WWOX: variants seen among roughly 807,000 people sequenced by gnomAD.
The protein encoded by WWOX is WW domain containing oxidoreductase.
Under a neutral mutation model 46.2 loss-of-function variants are expected in WWOX, and 69 were observed. The observed-to-expected ratio is 1.49, with a 90% CI of 1.23 to 1.82. WWOX has a LOEUF of 1.82. WWOX is among the 40% of genes most tolerant of loss of function. The pLI is 0.00. For synonymous variants in WWOX, 359 were observed against 202.6 expected (o/e 1.77, Z -6.56); for missense variants, 919 against 542.6 (o/e 1.69, Z -6.89).
At chr16:78,825,288 C>T (rs567971647) in intron 8 of WWOX, 19 of 282,450 alleles carry the variant, frequency 6.7e-5, no homozygotes, top group South Asian at 4.0e-4. Flanking sequence ...ATGATGGCCG[C>T]GCGAATTTCC....
intron 8 of WWOX, among the ~76,000 whole-genome samples, chr16:79,153,093 A>T (rs1008933005): frequency 2.0e-5 from 3 of 152,140 alleles, no homozygotes; most frequent in Admixed American, 6.5e-5. Context: ...GGAAAATCCA[A>T]ACTCACTTGA....
At chr16:78,725,083 T>C (rs11643918) in intron 8 of WWOX, among the ~76,000 whole-genome samples, 50,803 of 151,974 alleles carry the variant, frequency 0.33, 8,819 homozygotes, top group South Asian at 0.45. Flanking sequence ...TATTGAATCA[T>C]GGGGGTGGTT....
intron 8 of WWOX, among the ~76,000 whole-genome samples, chr16:78,769,206 T>A (rs542041520): frequency 6.6e-6 from 1 of 152,332 alleles, no homozygotes; most frequent in South Asian, 2.1e-4. Flanking sequence ...TATGACTATT[T>A]CATGAGTGCT....
rs984399895 is a variant in WWOX at position 78,597,032 on chromosome 16, A to G, written c.1056+164280A>G. Among the ~76,000 whole-genome samples the G allele has an allele frequency of 4.6e-5, 7 of 151,996 alleles. No individual in the cohort carries two copies. In the East Asian group the frequency reaches 1.2e-3, roughly 25 times the overall value. ...CAGCATGCGATCCCCTCCCAATCTC[A>G]TTGCTGCTCCCCTACCCTCTTCTGC... On this transcript the variant is annotated intron_variant, in intron 8 of 8. Transcript: ENST00000566780.
At chr16:78,796,295 A>G (rs553949065) in intron 8 of WWOX, among the ~76,000 whole-genome samples, 44 of 152,342 alleles carry the variant, frequency 2.9e-4, no homozygotes, top group African/African-American at 1.1e-3. Flanking sequence ...GGGCTCAGCC[A>G]TACCCTGGAG....
intron 8 of WWOX, among the ~76,000 whole-genome samples, chr16:78,989,936 A>C (rs573619668): frequency 1.8e-4 from 27 of 151,604 alleles, no homozygotes; most frequent in South Asian, 1.7e-3. Flanking sequence ...TAATTCTAGC[A>C]CTTTGGGAGG....
rs137926160 is a variant in WWOX at position 79,076,896 on chromosome 16, A to G, written c.1057-134712A>G. 4.7e-3 allele frequency among the ~76,000 whole-genome samples: 715 copies of G among 152,308 alleles called. 5 individuals carry two copies. Among genetic ancestry groups the G allele is most frequent in the African/African-American group, 0.017 (693 of 41,566 alleles). On this transcript the variant is annotated intron_variant, in intron 8 of 8. Transcript: ENST00000566780. Reference sequence around the variant, plus strand: ...TCTTAGTGTTTATTGTTTTATGCGTATTGTCCTGTTTCATCCTCATGCTTA... The same window carrying G: ...TCTTAGTGTTTATTGTTTTATGCGTGTTGTCCTGTTTCATCCTCATGCTTA...
chr16:79,014,273 C>G lies in WWOX; in HGVS notation c.1057-197335C>G, dbSNP rs74032496. On this transcript the variant is annotated intron_variant, in intron 8 of 8. Transcript: ENST00000566780. ...TATGACGCATGGGACGGGAGAATAC[C>G]ATGCCCACCCGGTGATTTATACCAA... 6.9e-3 allele frequency among the ~76,000 whole-genome samples: 1,045 copies of G among 152,258 alleles called. 17 individuals carry two copies. Among genetic ancestry groups the G allele is most frequent in the African/African-American group, 0.022 (910 of 41,552 alleles).
chr16:78,755,736 A>G (rs1311778707), intron 8 of WWOX, among the ~76,000 whole-genome samples: 2 of 152,176 alleles, frequency 1.3e-5, no homozygotes, highest in Non-Finnish European at 2.9e-5. Flanking sequence ...GCTATTAAAT[A>G]TGCCGAATAT....
chr16:78,716,922 A>C (rs1275200036), intron 8 of WWOX, among the ~76,000 whole-genome samples: 1 of 152,168 alleles, frequency 6.6e-6, no homozygotes, highest in African/African-American at 2.4e-5. Flanking sequence ...CAGTTTCAAA[A>C]GGGCATATCC....
chr16:78,248,067 A>G (rs187907252), intron 5 of WWOX, among the ~76,000 whole-genome samples: 3 of 152,258 alleles, frequency 2.0e-5, no homozygotes, highest in South Asian at 2.1e-4. Flanking sequence ...TCCATCCTCT[A>G]TGTGTGTATT....
At chr16:78,310,480 G>C (rs754482917) in intron 5 of WWOX, among the ~76,000 whole-genome samples, 1 of 152,216 alleles carries the variant, frequency 6.6e-6, no homozygotes, top group Admixed American at 6.5e-5. Context: ...TCACCAGATT[G>C]ATGCCTTTGG....
rs975375683 is a variant in WWOX, at chr16:78,953,314, C to T, written c.1057-258294C>T. Among the ~76,000 whole-genome samples the T allele has an allele frequency of 3.3e-5, 5 of 151,722 alleles. 1 individual carries two copies. The highest frequency in any genetic ancestry group is 5.9e-5 in the Non-Finnish European group (4 of 67,976). The stretch of plus-strand genomic sequence containing the variant: ...CACAATTATAGTGGGGGGTGGGGGG[C>T]ATGTTTAACCTACTTTAGAGAACAA... On this transcript the variant is annotated intron_variant, in intron 8 of 8. Coordinates refer to ENST00000566780, the MANE Select transcript of WWOX (RefSeq NM_016373.4).
chr16:78,874,535 G>T (rs1225290452), intron 8 of WWOX, among the ~76,000 whole-genome samples: 1 of 152,068 alleles, frequency 6.6e-6, no homozygotes, highest in African/African-American at 2.4e-5. Context: ...CTGGTATACA[G>T]GAAGAACTTG....
intron 5 of WWOX, chr16:78,237,335 C>T (rs2037474851): frequency 6.6e-6 from 1 of 152,104 alleles, no homozygotes; most frequent in South Asian, 2.1e-4. Flanking sequence ...TTGAAAGAGA[C>T]TGTTTAAAAC....
At chr16:78,773,039 AAAAC>A (rs2050102578) in intron 8 of WWOX, among the ~76,000 whole-genome samples, 2 of 152,118 alleles carry the variant, frequency 1.3e-5, no homozygotes, top group South Asian at 2.1e-4. Flanking sequence ...TCTCCAAAGC[AAAAC>A]AAACAAACAA....
intron 8 of WWOX, among the ~76,000 whole-genome samples, chr16:78,811,228 C>G (rs1167190565): frequency 2.6e-5 from 4 of 152,168 alleles, no homozygotes; most frequent in African/African-American, 9.6e-5. Context: ...TACACATGGT[C>G]ACTCACATAC....
At chr16:78,269,754 TA>T (rs1353467905) in intron 5 of WWOX, among the ~76,000 whole-genome samples, 1 of 152,204 alleles carries the variant, frequency 6.6e-6, no homozygotes, top group African/African-American at 2.4e-5. Flanking sequence ...ATTAATTATT[TA>T]TTATCCTTTT....
At chr16:78,491,876 T>C (rs2084793054) in intron 8 of WWOX, among the ~76,000 whole-genome samples, 1 of 152,182 alleles carries the variant, frequency 6.6e-6, no homozygotes, top group African/African-American at 2.4e-5. Flanking sequence ...CACATTGCCG[T>C]TCCCTTGCCT....
Sources: gnomAD v4.1 joint callset for allele counts (sites outside exome capture counted in the v4.1 genomes callset) on GRCh38, gnomAD v4.1.1 for gene constraint, MANE v1.5 for transcripts, NCBI Gene and HGNC (gene_info 2026-07-23, HGNC 2026-07-21) for gene names.